The following URM1 variants were observed in gnomAD, a reference collection of about 807,000 sequenced individuals.
The protein encoded by URM1 is ubiquitin-related modifier 1.
In URM1, 11 loss-of-function variants were observed where a neutral mutation model predicts 17.7. That is an observed-to-expected ratio of 0.62 (90% CI 0.39 to 1.03). URM1 has a LOEUF of 1.03. Ranked by LOEUF, URM1 falls within the 50% of genes least tolerant of loss-of-function variation. URM1 has a pLI of 0.00. For synonymous variants in URM1, 48 were observed against 50.6 expected (o/e 0.95, Z 0.22); for missense variants, 128 against 129.2 (o/e 0.99, Z 0.04).
chr9:128,388,680 T>C, intron 3 of URM1: 1 of 984,338 alleles, frequency 1.0e-6, no homozygotes, highest in Non-Finnish European at 1.2e-6. Flanking sequence ...CTAAGCTGCC[T>C]GACCAAATGT....
At position 128,378,126 on chromosome 9, in the gene URM1, A is replaced by G; in HGVS notation, c.106+20A>G. The G allele has an allele frequency of 6.4e-7, 1 of 1,569,640 alleles. No individual in the cohort carries two copies. The highest frequency in any genetic ancestry group is 8.7e-7 in the Non-Finnish European group (1 of 1,146,868). ...AACCCTGTGAGTATTGGCTTTCTGA[A>G]CCCCTCTCTTGGGGCCATTGAACAG... On this transcript the variant is annotated intron_variant, in intron 2 of 4. Coordinates refer to ENST00000372853, the MANE Select transcript of URM1 (RefSeq NM_030914.4).
chr9:128,388,123 T>C (rs746614845), intron 3 of URM1: 3 of 1,332,452 alleles, frequency 2.3e-6, no homozygotes, highest in Non-Finnish European at 2.9e-6. Flanking sequence ...CTCAGAAAAC[T>C]TGGATTCTGC....
intron 2 of URM1, among the ~76,000 whole-genome samples, chr9:128,382,601 T>G (rs956847616): frequency 2.6e-5 from 4 of 152,134 alleles, no homozygotes; most frequent in Non-Finnish European, 5.9e-5. Context: ...GGAGTGAGAC[T>G]GCGAGAGAGG....
chr9:128,371,645 C>G (rs577669165), intron 1 of URM1, among the ~76,000 whole-genome samples: 18 of 152,322 alleles, frequency 1.2e-4, no homozygotes, highest in Admixed American at 9.8e-4. Context: ...CTGTGTACCA[C>G]TCGGTGCCCT....
chr9:128,373,514 C>T (rs1017691307), intron 1 of URM1, among the ~76,000 whole-genome samples: 3 of 152,168 alleles, frequency 2.0e-5, no homozygotes, highest in African/African-American at 7.2e-5. Context: ...CCAGCTCCTC[C>T]AGAGACCCTC....
intron 1 of URM1, among the ~76,000 whole-genome samples, chr9:128,375,355 G>T (rs900934630): frequency 1.3e-5 from 2 of 152,034 alleles, no homozygotes; most frequent in Non-Finnish European, 2.9e-5. Context: ...AGATGCACAG[G>T]GTCTCCAGAG....
chr9:128,389,117 C>G (rs1833268407), intron 3 of URM1, 144 bp from the exon 4 acceptor site: 2 of 1,459,956 alleles, frequency 1.4e-6, no homozygotes, highest in East Asian at 4.7e-5. Context: ...ACCAGCCTCC[C>G]CTTCCTGGGA....
Position 128,371,511 on chromosome 9 carries a change from C to T in URM1, c.35+96C>T, listed in dbSNP as rs75521847. On this transcript the variant is annotated intron_variant, in intron 1 of 4. Coordinates refer to ENST00000372853, the MANE Select transcript of URM1 (RefSeq NM_030914.4). ...CGTGGGGCCTGACACGGCCGAATCA[C>T]TGGGTGTCCCAGTGCCCGCTGTGAG... is the stretch of plus-strand genomic sequence containing the variant. The T allele has an allele frequency of 5.3e-3, 6,941 of 1,320,226 alleles. 261 individuals are homozygous for T. In the East Asian group the frequency reaches 0.1, roughly 20 times the overall value. 81.8% of individuals were successfully genotyped at this position (1,320,226 alleles called of 1,614,324 possible). A position where few individuals can be genotyped will look rare whatever the true frequency, so the allele number is the denominator to read the frequency against.
intron 1 of URM1, 143 bp from the exon 2 acceptor site, chr9:128,377,893 C>T (rs756676122): frequency 2.9e-5 from 22 of 748,244 alleles, no homozygotes; most frequent in Non-Finnish European, 4.3e-5. Context: ...GAATTAGTCA[C>T]TGCACCCAAG....
chr9:128,373,714 C>G (rs2131287552), intron 1 of URM1, among the ~76,000 whole-genome samples: 1 of 152,320 alleles, frequency 6.6e-6, no homozygotes, highest in Non-Finnish European at 1.5e-5. Flanking sequence ...CGTCCCACCC[C>G]TCTTCCTCCT....
rs1160886329 is a variant in URM1, at chr9:128,388,351, T to A, written c.188+454T>A. ...CGGGTCTAGAATTCCAAGGAGTCAT[T>A]GACTCTGTGCGTGCACACACCCATG... On this transcript the variant is annotated intron_variant, in intron 3 of 4. Transcript: ENST00000372853. 6.0e-6 allele frequency: 6 copies of A among 996,902 alleles called. No individual in the cohort carries two copies. In the Admixed American group the frequency reaches 3.4e-4, roughly 56 times the overall value. 61.8% of individuals were successfully genotyped at this position (996,902 alleles called of 1,614,324 possible). A position where few individuals can be genotyped will look rare whatever the true frequency, so the allele number is the denominator to read the frequency against.
chr9:128,389,601 A>G, intron 4 of URM1, 65 bp from the exon 5 acceptor site: 1 of 1,606,212 alleles, frequency 6.2e-7, no homozygotes, highest in East Asian at 2.2e-5. Flanking sequence ...CTGTTCTCCC[A>G]ACTCCTGGGG....
At chr9:128,374,441 C>G (rs1833051390) in intron 1 of URM1, among the ~76,000 whole-genome samples, 1 of 151,980 alleles carries the variant, frequency 6.6e-6, no homozygotes, top group Admixed American at 6.6e-5. Flanking sequence ...TCACCCTCCC[C>G]CACCCCAGCT....
chr9:128,386,587 G>A (rs1004352719), intron 2 of URM1, among the ~76,000 whole-genome samples: 5 of 152,254 alleles, frequency 3.3e-5, no homozygotes, highest in African/African-American at 7.2e-5. Context: ...GAGGGGGCAC[G>A]CGTGCCAGCC....
chr9:128,376,418 G>C (rs915732622), intron 1 of URM1, among the ~76,000 whole-genome samples: 68 of 151,426 alleles, frequency 4.5e-4, no homozygotes, highest in African/African-American at 1.5e-3. Flanking sequence ...CCAACACTTC[G>C]GGAGGCTGAG....
At position 128,387,354 on chromosome 9, in the gene URM1, A is replaced by T. The variant is rs1250789511; in HGVS notation, c.107-462A>T. Among the ~76,000 whole-genome samples, 1 of 152,228 alleles carries T rather than the reference A, an allele frequency of 6.6e-6. No individual in the cohort carries two copies. The highest frequency in any genetic ancestry group is 1.5e-5 in the Non-Finnish European group (1 of 68,040). On this transcript the variant is annotated intron_variant, in intron 2 of 4. Coordinates refer to ENST00000372853, the MANE Select transcript of URM1 (RefSeq NM_030914.4). The surrounding 1 kb of genome is among the most constrained non-coding windows in gnomAD (Gnocchi z 4.3). ...TCCCCTCACAAAGGGAAATATATGC[A>T]GACCCCTCCAAGAGCAAAGCCGAAT...
intron 2 of URM1, 31 bp downstream of exon 2, chr9:128,378,137 G>A (rs1163136657): frequency 1.3e-6 from 2 of 1,528,726 alleles, no homozygotes; most frequent in East Asian, 2.3e-5. Flanking sequence ...CCCCTCTCTT[G>A]GGGCCATTGA....
At chr9:128,389,063 C>T in intron 3 of URM1, 198 bp from the exon 4 acceptor site, 2 of 1,361,706 alleles carry the variant, frequency 1.5e-6, no homozygotes, top group Non-Finnish European at 1.9e-6. Flanking sequence ...TTCCATCTGG[C>T]TACAAAGACC....
intron 2 of URM1, among the ~76,000 whole-genome samples, chr9:128,384,065 T>C (rs1311844384): frequency 6.6e-6 from 1 of 152,158 alleles, no homozygotes; most frequent in Non-Finnish European, 1.5e-5. Flanking sequence ...TACGTAATCC[T>C]CAGCAGCTCT....
Sources: gnomAD v4.1 joint callset for allele counts (sites outside exome capture counted in the v4.1 genomes callset) on GRCh38, gnomAD v4.1.1 for gene constraint, Gnocchi (gnomAD v3.1) non-coding constraint, MANE v1.5 for transcripts, NCBI Gene and HGNC (gene_info 2026-07-23, HGNC 2026-07-21) for gene names.